The following OSBPL1A variants were observed in gnomAD, a reference collection of about 807,000 sequenced individuals.
The protein encoded by OSBPL1A is oxysterol binding protein like 1A, also known as oxysterol-binding protein-related protein 1.
In OSBPL1A, 80 loss-of-function variants were observed where a neutral mutation model predicts 137.1. The ratio of observed to expected loss-of-function variants is 0.58; its 90% CI spans 0.49 to 0.70. OSBPL1A has a LOEUF of 0.70. Among genes scored for constraint, OSBPL1A ranks in the 30% least tolerant of loss-of-function variants. OSBPL1A has a pLI of 0.00. For synonymous variants in OSBPL1A, 365 were observed against 389.7 expected (o/e 0.94, Z 0.75); for missense variants, 970 against 1,129.4 (o/e 0.86, Z 2.02).
At chr18:24,303,531 T>G in intron 14 of OSBPL1A, 106 bp downstream of exon 14, 1 of 879,774 alleles carries the variant, frequency 1.1e-6, no homozygotes, top group Non-Finnish European at 1.8e-6. Context: ...AATATAACTC[T>G]TAATTCAAAA....
Position 24,263,470 on chromosome 18 carries a change from T to C in OSBPL1A, c.1281+17372A>G, listed in dbSNP as rs113481676. On this transcript the variant is annotated intron_variant, in intron 15 of 27. Coordinates refer to ENST00000319481, the MANE Select transcript of OSBPL1A (RefSeq NM_080597.4). ...CCTCCAAATATTGGACTAAAATATA[T>C]AGTTAGGATGACTCATATTAACACA... is the stretch of plus-strand genomic sequence containing the variant. 4.7e-3 allele frequency among the ~76,000 whole-genome samples: 711 copies of C among 152,264 alleles called. 5 individuals carry two copies. The highest frequency in any genetic ancestry group is 0.016 in the African/African-American group (679 of 41,542).
chr18:24,356,549 G>A (rs773882687), intron 4 of OSBPL1A, among the ~76,000 whole-genome samples: 57 of 152,126 alleles, frequency 3.7e-4, no homozygotes, highest in Non-Finnish European at 6.6e-4. Flanking sequence ...GCGGGTGCTG[G>A]TTGGGTCCAG....
intron 9 of OSBPL1A, 111 bp downstream of exon 9, chr18:24,318,490 C>G: frequency 1.1e-6 from 1 of 900,258 alleles, no homozygotes. Context: ...GATCCAAGAG[C>G]GATTAAATCA....
At chr18:24,259,340 A>C (rs1375956281) in intron 15 of OSBPL1A, among the ~76,000 whole-genome samples, 1 of 152,126 alleles carries the variant, frequency 6.6e-6, no homozygotes, top group East Asian at 1.9e-4. Flanking sequence ...AGAGACTGCT[A>C]ATTTCTCCCA....
chr18:24,318,017 T>C (rs906501131), intron 9 of OSBPL1A, among the ~76,000 whole-genome samples: 2 of 152,074 alleles, frequency 1.3e-5, no homozygotes, highest in East Asian at 1.9e-4. Context: ...AAATGTATTT[T>C]CCCCCCACTC....
chr18:24,180,321 C>A (rs2086568268), intron 19 of OSBPL1A, among the ~76,000 whole-genome samples: 1 of 152,162 alleles, frequency 6.6e-6, no homozygotes, highest in Non-Finnish European at 1.5e-5. Flanking sequence ...CTATACTCTA[C>A]CTCTAACTAG....
At chr18:24,288,919 G>A (rs1261692950) in intron 14 of OSBPL1A, among the ~76,000 whole-genome samples, 2 of 152,150 alleles carry the variant, frequency 1.3e-5, no homozygotes, top group East Asian at 1.9e-4. Context: ...ACTATCTATA[G>A]CCTGAACACA....
intron 1 of OSBPL1A, among the ~76,000 whole-genome samples, chr18:24,393,903 A>G (rs1171059270): frequency 6.6e-6 from 1 of 152,246 alleles, no homozygotes; most frequent in African/African-American, 2.4e-5. Context: ...ACTGAAAAGA[A>G]TACCTAAAAC....
chr18:24,352,278 G>T (rs1442282652), intron 4 of OSBPL1A, among the ~76,000 whole-genome samples: 3 of 152,046 alleles, frequency 2.0e-5, no homozygotes, highest in Admixed American at 2.0e-4. Context: ...CTCCAGCCTG[G>T]GTGACAGAGT....
At chr18:24,170,615 G>A (rs1612642) in intron 23 of OSBPL1A, 162 bp from the exon 24 acceptor site, 7 of 672,598 alleles carry the variant, frequency 1.0e-5, no homozygotes, top group Middle Eastern at 3.7e-4. Flanking sequence ...GGGTGGCATC[G>A]CCATAGACTG....
chr18:24,357,362 G>A (rs182115669), intron 4 of OSBPL1A: 57 of 152,188 alleles, frequency 3.7e-4, no homozygotes, highest in African/African-American at 1.3e-3. Flanking sequence ...AAAAACGTAG[G>A]GAATCTGCAT....
chr18:24,234,227 A>T (rs1401971161), intron 16 of OSBPL1A, among the ~76,000 whole-genome samples: 1 of 152,152 alleles, frequency 6.6e-6, no homozygotes, highest in Non-Finnish European at 1.5e-5. Flanking sequence ...TTCTCATGAT[A>T]TCTTTTTGTT....
chr18:24,355,997 A>AG (rs1345213812), intron 4 of OSBPL1A, among the ~76,000 whole-genome samples: 2 of 145,354 alleles, frequency 1.4e-5, no homozygotes, highest in Admixed American at 1.3e-4. Flanking sequence ...AAAAAAAAAA[A>AG]AAAGAAAAGA....
intron 14 of OSBPL1A, among the ~76,000 whole-genome samples, chr18:24,294,288 G>A (rs1430007045): frequency 6.6e-6 from 1 of 151,984 alleles, no homozygotes; most frequent in East Asian, 1.9e-4. Flanking sequence ...CTGGAGTGCA[G>A]TGGCGCGATC....
At chr18:24,372,662 T>G (rs1325409312) in intron 2 of OSBPL1A, among the ~76,000 whole-genome samples, 1 of 152,214 alleles carries the variant, frequency 6.6e-6, no homozygotes, top group Non-Finnish European at 1.5e-5. Context: ...CCACTGCGTC[T>G]GCCCCCATCC....
chr18:24,253,173 G>GGGA, intron 15 of OSBPL1A, among the ~76,000 whole-genome samples: 1 of 137,062 alleles, frequency 7.3e-6, no homozygotes, highest in Non-Finnish European at 1.6e-5. Context: ...ATGGCGGGGG[G>GGGA]GGGCGCTGAA....
intron 16 of OSBPL1A, among the ~76,000 whole-genome samples, chr18:24,235,317 T>A (rs2146001874): frequency 6.6e-6 from 1 of 152,310 alleles, no homozygotes; most frequent in South Asian, 2.1e-4. Context: ...TTAAGTACAT[T>A]ACAAATATGT....
intron 18 of OSBPL1A, among the ~76,000 whole-genome samples, chr18:24,187,058 GAAGT>G (rs2086767982): frequency 6.6e-6 from 1 of 152,094 alleles, no homozygotes; most frequent in Non-Finnish European, 1.5e-5. Context: ...AATTGGCGTA[GAAGT>G]AATACAATGG....
At chr18:24,393,193 T>G (rs1015921182) in intron 1 of OSBPL1A, among the ~76,000 whole-genome samples, 6 of 152,270 alleles carry the variant, frequency 3.9e-5, no homozygotes, top group Non-Finnish European at 7.3e-5. Context: ...TGTGTATACA[T>G]TATGCACACA....
Sources: allele counts gnomAD v4.1 joint callset (sites outside exome capture counted in the v4.1 genomes callset), GRCh38; gene constraint gnomAD v4.1.1; transcripts MANE v1.5; gene names NCBI Gene and HGNC (gene_info 2026-07-23, HGNC 2026-07-21).